The following STARD13 variants were observed in gnomAD, a reference collection of about 807,000 sequenced individuals.
STARD13 encodes StAR related lipid transfer domain containing 13.
A neutral mutation model predicts 106.4 loss-of-function variants in STARD13; 62 were observed. The ratio of observed to expected loss-of-function variants is 0.58; its 90% CI spans 0.48 to 0.72. The LOEUF is 0.72. Ranked by LOEUF, STARD13 falls within the 30% of genes least tolerant of loss-of-function variation. STARD13 has a pLI of 0.00. For synonymous variants in STARD13, 565 were observed against 553.0 expected, an observed-to-expected ratio of 1.02 and a Z score of -0.31; for missense variants, 1,387 against 1,424.0, an observed-to-expected ratio of 0.97 and a Z score of 0.42.
the STARD13 span, among the ~76,000 whole-genome samples, chr13:33,652,951 A>T: frequency 6.6e-6 from 1 of 152,202 alleles, no homozygotes; most frequent in Non-Finnish European, 1.5e-5. Flanking sequence ...GAAAATACTT[A>T]GGATAAATTT....
At chr13:33,286,630 T>C (rs1892071734), upstream of STARD13, among the ~76,000 whole-genome samples, 2 of 152,142 alleles carry the variant, frequency 1.3e-5, no homozygotes, top group South Asian at 4.1e-4. Flanking sequence ...GCAAACACAA[T>C]GCTAGGTGAG....
chr13:33,235,777 C>T (rs1464807660), intron 1 of STARD13, among the ~76,000 whole-genome samples: 1 of 152,072 alleles, frequency 6.6e-6, no homozygotes, highest in African/African-American at 2.4e-5. Flanking sequence ...ATCGGAAACT[C>T]TGTGGGTGGG....
chr13:33,332,366 G>A (rs1356405722), intron 1 of STARD13, among the ~76,000 whole-genome samples: 4 of 152,186 alleles, frequency 2.6e-5, no homozygotes, highest in Non-Finnish European at 4.4e-5. Flanking sequence ...ATATGTTGAA[G>A]TCCCAACCCC....
At chr13:33,670,160 A>AC in the STARD13 span, among the ~76,000 whole-genome samples, 2 of 152,230 alleles carry the variant, frequency 1.3e-5, no homozygotes, top group Non-Finnish European at 2.9e-5. Context: ...GGATGAGACT[A>AC]CGATACAGGC....
the STARD13 span, among the ~76,000 whole-genome samples, chr13:33,524,853 C>T: frequency 0.039 from 5,922 of 151,906 alleles, 138 homozygotes; most frequent in Middle Eastern, 0.048. Flanking sequence ...TTTGTGTGTG[C>T]GGTGGGACCA....
the STARD13 span, among the ~76,000 whole-genome samples, chr13:33,651,062 T>C: frequency 0.21 from 31,701 of 152,262 alleles, 4,175 homozygotes; most frequent in East Asian, 0.3. Flanking sequence ...GTGGATAATA[T>C]CAAGGATAAT....
At chr13:33,431,950 A>T in the STARD13 span, among the ~76,000 whole-genome samples, 1 of 152,192 alleles carries the variant, frequency 6.6e-6, no homozygotes, top group South Asian at 2.1e-4. Flanking sequence ...CTTAGGGATC[A>T]AGGGAAAGTT....
At chr13:33,575,045 G>A in the STARD13 span, among the ~76,000 whole-genome samples, 1 of 151,098 alleles carries the variant, frequency 6.6e-6, no homozygotes, top group African/African-American at 2.4e-5. Context: ...GCCTCCTGAG[G>A]AGCTGGGATT....
At chr13:33,262,545 G>C (rs369305637) in intron 1 of STARD13, among the ~76,000 whole-genome samples, 1 of 152,002 alleles carries the variant, frequency 6.6e-6, no homozygotes, top group African/African-American at 2.4e-5. Flanking sequence ...GTTTGCAGGA[G>C]GAGAAAACAA....
At chr13:33,494,705 T>C in the STARD13 span, among the ~76,000 whole-genome samples, 4 of 152,166 alleles carry the variant, frequency 2.6e-5, no homozygotes, top group East Asian at 7.7e-4. Context: ...GAAAATAGCT[T>C]TTTGACCAAA....
chr13:33,167,749 T>C (rs1451442001), intron 1 of STARD13, 127 bp from the exon 2 acceptor site: 1 of 898,152 alleles, frequency 1.1e-6, no homozygotes, highest in Non-Finnish European at 1.8e-6. Context: ...TCCAGGTAAG[T>C]CTGCATAAGT....
At chr13:33,396,829 A>G in the STARD13 span, among the ~76,000 whole-genome samples, 1 of 152,360 alleles carries the variant, frequency 6.6e-6, no homozygotes, top group Admixed American at 6.5e-5. Flanking sequence ...TAGCACAGAA[A>G]CAGGATCCCT....
At chr13:33,532,960 G>A in the STARD13 span, among the ~76,000 whole-genome samples, 1 of 151,524 alleles carries the variant, frequency 6.6e-6, no homozygotes, top group African/African-American at 2.4e-5. Flanking sequence ...AAGGGGCTGG[G>A]ACAATGGGAC....
the STARD13 span, chr13:33,657,446 A>G: frequency 6.6e-6 from 1 of 152,262 alleles, no homozygotes; most frequent in Non-Finnish European, 1.5e-5. Context: ...TTACAGAATC[A>G]TCAGGGAACA....
intron 1 of STARD13, among the ~76,000 whole-genome samples, chr13:33,222,307 C>T (rs905668915): frequency 6.6e-6 from 1 of 152,056 alleles, no homozygotes; most frequent in Middle Eastern, 3.4e-3. Flanking sequence ...CCAGAGGTTG[C>T]GGAATGGAGA....
In STARD13 at chr13:33,129,181, A is replaced by G. The variant is rs772184333; in HGVS notation, c.1496T>C (p.Val499Ala). The G allele has an allele frequency of 1.2e-6, 2 of 1,614,180 alleles. No individual in the cohort carries two copies. The highest frequency in any genetic ancestry group is 1.3e-5 in the African/African-American group (1 of 75,054). ...GACATCTTTGGACCAGTCATCGACT[A>G]CCTCTTGGAGCCCATTGACATGCTG... ...ILQHVNGLQE[V>A]VDDWSKDVLP... Residue 499 changes from valine (V) to alanine (A), a missense_variant, in exon 5 of 14, where the codon GTA becomes GCA. By Grantham distance (64) the Val-to-Ala change is moderately conservative. Coordinates refer to ENST00000336934, the MANE Select transcript of STARD13 (RefSeq NM_178006.4).
chr13:33,175,069 C>T (rs1209921512), intron 1 of STARD13, among the ~76,000 whole-genome samples: 1 of 152,142 alleles, frequency 6.6e-6, no homozygotes, highest in East Asian at 1.9e-4. Context: ...AAAATGTTTA[C>T]AATCCCCAAA....
the STARD13 span, among the ~76,000 whole-genome samples, chr13:33,543,785 G>GTT: frequency 1.3e-5 from 2 of 152,206 alleles, 1 homozygote; most frequent in Non-Finnish European, 2.9e-5. Context: ...AAAATCTCAG[G>GTT]TGATTCTGAT....
chr13:33,143,050 A>C (rs1880046537), intron 3 of STARD13, among the ~76,000 whole-genome samples: 1 of 152,190 alleles, frequency 6.6e-6, no homozygotes, highest in African/African-American at 2.4e-5. Context: ...ACACAGTGAG[A>C]AGGCAGACAT....
Sources: gnomAD v4.1 joint callset for allele counts (sites outside exome capture counted in the v4.1 genomes callset) on GRCh38, gnomAD v4.1.1 for gene constraint, MANE v1.5 for transcripts, NCBI Gene and HGNC (gene_info 2026-07-23, HGNC 2026-07-21) for gene names.